PAK4: variants seen among roughly 807,000 people sequenced by gnomAD.
PAK4 encodes p21 (RAC1) activated kinase 4.
A neutral mutation model predicts 53.5 loss-of-function variants in PAK4; 49 were observed. That is an observed-to-expected ratio of 0.92 (90% CI 0.73 to 1.16). The LOEUF is 1.16. PAK4 is among the 50% of genes most tolerant of loss of function. PAK4 has a pLI of 0.00. For missense variants in PAK4, 824 were observed against 850.7 expected, an observed-to-expected ratio of 0.97 and a Z score of 0.39; for synonymous variants, 376 against 375.6, an observed-to-expected ratio of 1.00 and a Z score of -0.01.
chr19:39,147,970 T>C (rs1358671278), intron 1 of PAK4, among the ~76,000 whole-genome samples: 1 of 141,976 alleles, frequency 7.0e-6, no homozygotes, highest in Admixed American at 7.1e-5. Flanking sequence ...TTTTTTTTTT[T>C]AGATGGAGTC....
At chr19:39,180,256 G>A (rs967884982), downstream of PAK4, 1 of 152,202 alleles carries the variant, frequency 6.6e-6, no homozygotes, top group South Asian at 2.1e-4. Flanking sequence ...GAAACCCAGC[G>A]GTGCAAGCAG....
At chr19:39,150,517 C>T (rs145891617) in intron 1 of PAK4, among the ~76,000 whole-genome samples, 3,127 of 152,174 alleles carry the variant, frequency 0.021, 177 homozygotes, top group Admixed American at 0.13. Context: ...AACAGCGCTG[C>T]CTCCTTGTCA....
rs1475544968 is a variant in PAK4, at chr19:39,148,472, T to TTTTTTTTTTTC, written c.-22-21050_-22-21049insCTTTTTTTTTT. On this transcript the variant is annotated intron_variant, in intron 1 of 8. Coordinates refer to ENST00000358301, the Ensembl canonical transcript of PAK4. ...ACCAAATAAGTTTCTTCTGCTTTTT[T>TTTTTTTTTTTC]TTTTTTTTTTTTTTTGAGAGAGAGT... Among the ~76,000 whole-genome samples, 26 of 104,176 alleles carry TTTTTTTTTTTC rather than the reference T, an allele frequency of 2.5e-4. 3 individuals carry two copies. The highest frequency in any genetic ancestry group is 5.1e-4 in the Non-Finnish European group (26 of 51,334). 68.3% of individuals were successfully genotyped at this position (104,176 alleles called of 152,430 possible).
At chr19:39,126,196 G>A (rs576175662) in intron 1 of PAK4, among the ~76,000 whole-genome samples, 1 of 152,204 alleles carries the variant, frequency 6.6e-6, no homozygotes, top group East Asian at 1.9e-4. Context: ...AAAAAAGGCA[G>A]GGTCAAAGTT....
chr19:39,138,313 A>G (rs1005618385), intron 1 of PAK4, among the ~76,000 whole-genome samples: 1 of 152,002 alleles, frequency 6.6e-6, no homozygotes, highest in African/African-American at 2.4e-5. Flanking sequence ...TCAGCCTTCC[A>G]AAGTGCTGGG....
intron 1 of PAK4, among the ~76,000 whole-genome samples, chr19:39,135,899 G>GC (rs372342841): frequency 0.018 from 2,722 of 147,790 alleles, 40 homozygotes; most frequent in African/African-American, 0.021. Context: ...CTCCTCTCTT[G>GC]CCCCCCCGCC....
At chr19:39,155,186 A>G (rs2074158116) in intron 1 of PAK4, among the ~76,000 whole-genome samples, 1 of 151,962 alleles carries the variant, frequency 6.6e-6, no homozygotes, top group African/African-American at 2.4e-5. Context: ...CTTGGTCCCT[A>G]CCGCCTACCA....
intron 1 of PAK4, chr19:39,156,718 C>T (rs1305357342): frequency 2.0e-5 from 3 of 152,344 alleles, no homozygotes; most frequent in African/African-American, 4.8e-5. Context: ...CCCAGGCAGC[C>T]CTCCTCGGTG....
intron 1 of PAK4, among the ~76,000 whole-genome samples, chr19:39,137,196 G>A (rs1027188879): frequency 6.6e-5 from 10 of 152,096 alleles, no homozygotes; most frequent in Admixed American, 2.0e-4. Flanking sequence ...GTGCTGACCC[G>A]TGTGGCCTCC....
chr19:39,154,521 C>G (rs2074144270), intron 1 of PAK4, among the ~76,000 whole-genome samples: 1 of 152,158 alleles, frequency 6.6e-6, no homozygotes, highest in Admixed American at 6.5e-5. Flanking sequence ...CACAGTTTAC[C>G]CTTTGGTGCC....
chr19:39,158,017 C>T (rs2074215056), intron 1 of PAK4, among the ~76,000 whole-genome samples: 1 of 152,052 alleles, frequency 6.6e-6, no homozygotes, highest in Admixed American at 6.5e-5. Flanking sequence ...TGTGTGTATG[C>T]ATGTGTGTGA....
At chr19:39,177,587 A>T in intron 7 of PAK4, 88 bp from the exon 9 acceptor site, 1 of 1,388,920 alleles carries the variant, frequency 7.2e-7, no homozygotes, top group South Asian at 1.6e-5. Context: ...AGAGGCAGAG[A>T]CAGCGCTGGA....
chr19:39,158,165 A>G (rs1486419009), intron 1 of PAK4, among the ~76,000 whole-genome samples: 2 of 147,180 alleles, frequency 1.4e-5, no homozygotes, highest in Non-Finnish European at 3.0e-5. Context: ...ACATGTGTGC[A>G]TGTTTGTGAG....
chr19:39,147,537 C>T (rs528760502), intron 1 of PAK4, among the ~76,000 whole-genome samples: 7 of 152,294 alleles, frequency 4.6e-5, no homozygotes, highest in East Asian at 1.9e-4. Flanking sequence ...TGCTGGGCAG[C>T]GTGCTGGTTG....
intron 1 of PAK4, among the ~76,000 whole-genome samples, chr19:39,140,707 C>T (rs1412055358): frequency 2.0e-5 from 3 of 152,188 alleles, no homozygotes; most frequent in Non-Finnish European, 2.9e-5. Context: ...CTCCTCTCCC[C>T]CTACCCCTCT....
intron 1 of PAK4, among the ~76,000 whole-genome samples, chr19:39,129,177 G>A (rs1478891226): frequency 6.6e-6 from 1 of 152,088 alleles, no homozygotes; most frequent in South Asian, 2.1e-4. Flanking sequence ...TGGAGTAGCT[G>A]GGATTACAGG....
intron 1 of PAK4, among the ~76,000 whole-genome samples, chr19:39,129,621 G>A (rs1169263578): frequency 2.0e-5 from 3 of 147,882 alleles, no homozygotes; most frequent in African/African-American, 2.5e-5. Context: ...AGGTTTATGG[G>A]CCCACCCACC....
rs1025720215 is a variant in PAK4 at position 39,173,641 on chromosome 19, C to T, written c.729C>T (p.Ser243=). The change falls in exon 4 of 9, where the codon TCC becomes TCT. Residue 243 remains serine, a synonymous_variant. Transcript: ENST00000358301. The surrounding 1 kb of genome is among the most constrained non-coding windows in gnomAD (Gnocchi z 6.9). ...GGGGCCTGGCCATCCCCCAGTCCTC[C>T]TCCTCCTCCTCCCGGCCTCCCACCC... is the stretch of plus-strand genomic sequence containing the variant. The T allele has an allele frequency of 1.9e-6, 3 of 1,567,816 alleles. No homozygotes were observed. Among genetic ancestry groups the T allele is most frequent in the Admixed American group, 3.6e-5 (2 of 54,942 alleles).
rs2074553914 is a variant in PAK4 at position 39,174,133 on chromosome 19, C to G, written c.1098+123C>G. On this transcript the variant is annotated intron_variant, in intron 4 of 8. Coordinates refer to ENST00000358301, the Ensembl canonical transcript of PAK4. ...GGGCCAGGCTCCCCTCCTCCCCTCA[C>G]TCTTCTCCCTCCCCAGGCCGTCTCG... The G allele has an allele frequency of 8.8e-6, 6 of 683,110 alleles. No individual in the cohort carries two copies. In the South Asian group the frequency reaches 1.1e-4, roughly 12 times the overall value. The allele number at this position is 683,110 out of a possible 1,614,324, so 42.3% of individuals were successfully genotyped here.
Sources: allele counts gnomAD v4.1 joint callset (sites outside exome capture counted in the v4.1 genomes callset), GRCh38; gene constraint gnomAD v4.1.1; non-coding constraint Gnocchi (gnomAD v3.1); transcripts MANE v1.5; gene names NCBI Gene and HGNC (gene_info 2026-07-23, HGNC 2026-07-21).